Variants in FAM193A observed in about 807,000 individuals in gnomAD.
FAM193A encodes protein FAM193A.
In FAM193A, 22 loss-of-function variants were observed where a neutral mutation model predicts 126.5. The observed-to-expected ratio is 0.17, with a 90% CI of 0.12 to 0.25. The LOEUF (loss-of-function observed/expected upper bound fraction) is 0.25. Ranked by LOEUF, FAM193A falls within the 10% of genes least tolerant of loss-of-function variation. The probability of loss-of-function intolerance (pLI) is 1.00; values close to 1 mark genes in which losing one functional copy is unlikely to be tolerated. For missense variants in FAM193A, 1,675 were observed against 1,672.8 expected, an observed-to-expected ratio of 1.00 and a Z score of -0.02; for synonymous variants, 761 against 646.8, an observed-to-expected ratio of 1.18 and a Z score of -2.68.
intron 13 of FAM193A, among the ~76,000 whole-genome samples, chr4:2,682,453 C>T (rs1235027422): frequency 1.3e-5 from 2 of 152,150 alleles, no homozygotes; most frequent in Admixed American, 6.5e-5. Context: ...CACATGCCAC[C>T]ATGCTTGTTG....
chr4:2,715,993 T>G (rs763172560), intron 19 of FAM193A, 30 bp from the exon 20 acceptor site: 2 of 1,279,144 alleles, frequency 1.6e-6, no homozygotes, highest in Non-Finnish European at 2.3e-6. Context: ...CTGCTGTAAT[T>G]TGACTTGCTG....
intron 19 of FAM193A, among the ~76,000 whole-genome samples, chr4:2,712,081 CA>C (rs1719040749): frequency 6.6e-6 from 1 of 151,948 alleles, no homozygotes; most frequent in African/African-American, 2.4e-5. Context: ...TTTTGTTTTG[CA>C]AAACCTATTG....
At chr4:2,671,573 A>C (rs1713785964) in intron 12 of FAM193A, among the ~76,000 whole-genome samples, 1 of 152,222 alleles carries the variant, frequency 6.6e-6, no homozygotes, top group Non-Finnish European at 1.5e-5. Context: ...GATTTGCATG[A>C]ATAAATGTGT....
In FAM193A at chr4:2,646,826, C is replaced by T. The variant is rs773714308; in HGVS notation, c.1305C>T (p.Asp435=). 26 of 1,611,746 alleles carry T rather than the reference C, an allele frequency of 1.6e-5. No individual in the cohort carries two copies. The highest frequency in any genetic ancestry group is 1.3e-4 in the African/African-American group (10 of 75,012). ...AGAAGAGGATCGACGCCTATGTCGA[C>T]GAGCAGGTGAGTGCCACCCGGGACC... ...ECQKRIDAYV[D]EQMTMKTKQR... is the part of the protein sequence containing the mutation. The change falls in exon 7 of 21, where the codon GAC becomes GAT. Residue 435 remains aspartate, a synonymous_variant. Transcript: ENST00000637812.
At chr4:2,604,791 C>CTTTTTTTTTTTTTTTTT (rs869148370) in intron 2 of FAM193A, among the ~76,000 whole-genome samples, 1 of 99,674 alleles carries the variant, frequency 1.0e-5, no homozygotes, top group Non-Finnish European at 1.9e-5. Context: ...TTTCTTTTTC[C>CTTTTTTTTTTTTTTTTT]TTTTTTTTTT....
chr4:2,586,606 C>T (rs1386231076), intron 1 of FAM193A, among the ~76,000 whole-genome samples: 1 of 152,112 alleles, frequency 6.6e-6, no homozygotes, highest in Non-Finnish European at 1.5e-5. Flanking sequence ...ATTCCTTCGT[C>T]TACTTTTCTA....
intron 1 of FAM193A, among the ~76,000 whole-genome samples, chr4:2,549,701 T>C (rs2108816884): frequency 6.6e-6 from 1 of 151,316 alleles, no homozygotes; most frequent in Admixed American, 6.6e-5. Context: ...CGGCCCCCTC[T>C]GTTTTCTTCT....
Position 2,587,915 on chromosome 4 carries a change from G to A in FAM193A, c.256-8169G>A, listed in dbSNP as rs571475539. Among the ~76,000 whole-genome samples, 217 of 152,244 alleles carry A rather than the reference G, an allele frequency of 1.4e-3. 2 individuals are homozygous for A. The highest frequency in any genetic ancestry group is 6.8e-3 in the Middle Eastern group (2 of 294). On this transcript the variant is annotated intron_variant, in intron 1 of 20. Transcript: ENST00000637812. ...AAAGAAAGAGAAAGTGATGATATGA[G>A]AAGAGGACAGAATCAGTGGTCCTCA...
At chr4:2,663,018 C>A (rs754416742) in intron 11 of FAM193A, 27 bp downstream of exon 11, 1 of 1,598,986 alleles carries the variant, frequency 6.3e-7, no homozygotes, top group Non-Finnish European at 8.6e-7. Context: ...TTCGTAGCAA[C>A]AATAAATGAC....
rs527423267 is a variant in FAM193A, at chr4:2,637,332, A to G, written c.1039-2403A>G. Among the ~76,000 whole-genome samples, 152 of 152,338 alleles carry G rather than the reference A, an allele frequency of 1.0e-3. 4 individuals are homozygous for G. The South Asian group carries it at 0.031, about 31-fold the overall frequency. On this transcript the variant is annotated intron_variant, in intron 5 of 20. Coordinates refer to ENST00000637812, the MANE Select transcript of FAM193A (RefSeq NM_001366318.2). ...ACAGAGTGAGACCCTGTCTCAGTCA[A>G]TTGACCAATCACTCAATATTTTTTT...
At chr4:2,682,888 G>GAAT (rs1180488045) in intron 13 of FAM193A, among the ~76,000 whole-genome samples, 1 of 152,112 alleles carries the variant, frequency 6.6e-6, no homozygotes, top group Non-Finnish European at 1.5e-5. Context: ...TCTTTTAGAT[G>GAAT]AATAATAATA....
intron 13 of FAM193A, among the ~76,000 whole-genome samples, chr4:2,688,043 T>C (rs1194551044): frequency 6.6e-6 from 1 of 152,158 alleles, no homozygotes. Context: ...TCACTACTCA[T>C]TTCTGCATCC....
At chr4:2,547,804 C>G (rs1309373630) in intron 1 of FAM193A, among the ~76,000 whole-genome samples, 1 of 150,948 alleles carries the variant, frequency 6.6e-6, no homozygotes, top group African/African-American at 2.4e-5. Context: ...TTTGTAGTTT[C>G]AGTAGAGATG....
chr4:2,573,916 C>G (rs1167200107), intron 1 of FAM193A, among the ~76,000 whole-genome samples: 1 of 152,186 alleles, frequency 6.6e-6, no homozygotes, highest in Non-Finnish European at 1.5e-5. Context: ...ACAAACAGTA[C>G]AAAGGCCTCG....
intron 1 of FAM193A, among the ~76,000 whole-genome samples, chr4:2,560,212 G>A (rs1025882255): frequency 3.9e-5 from 6 of 152,090 alleles, no homozygotes; most frequent in African/African-American, 1.2e-4. Flanking sequence ...CAAAGTGTTG[G>A]GATTACAGGT....
intron 1 of FAM193A, among the ~76,000 whole-genome samples, chr4:2,557,653 G>T (rs1738339347): frequency 6.6e-6 from 1 of 152,034 alleles, no homozygotes; most frequent in East Asian, 1.9e-4. Context: ...CTAAAATTCA[G>T]TAAAATGGTT....
chr4:2,562,539 G>C (rs182402394), intron 1 of FAM193A, among the ~76,000 whole-genome samples: 3 of 152,208 alleles, frequency 2.0e-5, no homozygotes, highest in African/African-American at 7.2e-5. Flanking sequence ...CCCTTAGGCT[G>C]TAGGAAAAAC....
At chr4:2,626,668 T>TA (rs1742996396) in intron 4 of FAM193A, 91 bp downstream of exon 4, 1 of 634,088 alleles carries the variant, frequency 1.6e-6, no homozygotes, top group East Asian at 2.8e-5. Context: ...GGGCTTTCCT[T>TA]ACAGTGCTCA....
At chr4:2,565,885 GTTTTTC>G (rs1474244493) in intron 1 of FAM193A, among the ~76,000 whole-genome samples, 2 of 152,168 alleles carry the variant, frequency 1.3e-5, no homozygotes, top group Non-Finnish European at 2.9e-5. Flanking sequence ...TGAATTGAAT[GTTTTTC>G]TTTTACATAA....
Sources: allele counts gnomAD v4.1 joint callset (sites outside exome capture counted in the v4.1 genomes callset), GRCh38; gene constraint gnomAD v4.1.1; transcripts MANE v1.5; gene names NCBI Gene and HGNC (gene_info 2026-07-23, HGNC 2026-07-21).